Variants in RBFOX1 observed in about 807,000 individuals in gnomAD.
RBFOX1 encodes the protein RNA binding protein fox-1 homolog 1.
RBFOX1 carries 8 observed loss-of-function variants against 57.7 expected under a neutral mutation model. That is an observed-to-expected ratio of 0.14 (90% CI 0.08 to 0.25). The LOEUF is 0.25. Among genes scored for constraint, RBFOX1 ranks in the 10% least tolerant of loss-of-function variants. The probability of loss-of-function intolerance (pLI) is 1.00; values close to 1 mark genes in which losing one functional copy is unlikely to be tolerated. For missense variants in RBFOX1, 611 were observed against 548.5 expected, an observed-to-expected ratio of 1.11 and a Z score of -1.14; for synonymous variants, 326 against 222.4, an observed-to-expected ratio of 1.47 and a Z score of -4.15.
chr16:7,422,834 C>T (rs1390815461), intron 4 of RBFOX1: 1 of 152,170 alleles, frequency 6.6e-6, no homozygotes, highest in African/African-American at 2.4e-5. Context: ...TTCCCATCCC[C>T]TTTGCCTTAT....
intron 2 of RBFOX1, among the ~76,000 whole-genome samples, chr16:5,544,777 A>G (rs943372365): frequency 1.3e-5 from 2 of 152,102 alleles, no homozygotes. Context: ...TTATGCTCAT[A>G]AATTTGACAA....
intron 4 of RBFOX1, among the ~76,000 whole-genome samples, chr16:7,240,365 A>G (rs1398131572): frequency 6.6e-6 from 1 of 152,184 alleles, no homozygotes; most frequent in Non-Finnish European, 1.5e-5. Context: ...GATCTTCACT[A>G]TGTTATACTT....
chr16:7,400,890 G>T (rs940763881), intron 4 of RBFOX1, among the ~76,000 whole-genome samples: 1 of 152,198 alleles, frequency 6.6e-6, no homozygotes, highest in Non-Finnish European at 1.5e-5. Flanking sequence ...AAACAGTGCG[G>T]TTGATGATCT....
At chr16:6,946,425 T>C (rs2079534934) in intron 3 of RBFOX1, among the ~76,000 whole-genome samples, 1 of 152,198 alleles carries the variant, frequency 6.6e-6, no homozygotes, top group Non-Finnish European at 1.5e-5. Flanking sequence ...CTGAGTTCTG[T>C]GATGAAAATA....
intron 1 of RBFOX1, among the ~76,000 whole-genome samples, chr16:6,130,379 C>T (rs946364124): frequency 1.3e-4 from 19 of 151,748 alleles, no homozygotes; most frequent in Non-Finnish European, 2.6e-4. Flanking sequence ...CCTACCATGC[C>T]TAAAAATGAA....
chr16:6,830,760 G>T (rs1223956569), intron 3 of RBFOX1, among the ~76,000 whole-genome samples: 4 of 152,286 alleles, frequency 2.6e-5, no homozygotes, highest in Non-Finnish European at 4.4e-5. Flanking sequence ...GGTAATTTTA[G>T]GAGGATGACG....
At chr16:5,750,554 G>C (rs1017460114) in intron 3 of RBFOX1, among the ~76,000 whole-genome samples, 10 of 152,188 alleles carry the variant, frequency 6.6e-5, no homozygotes, top group African/African-American at 2.4e-4. Context: ...ACCTACTCAA[G>C]CCTCAGCAAT....
At chr16:7,580,084 T>C (rs1218270380) in intron 6 of RBFOX1, among the ~76,000 whole-genome samples, 164 bp downstream of exon 6, 3 of 152,228 alleles carry the variant, frequency 2.0e-5, no homozygotes, top group Non-Finnish European at 4.4e-5. Flanking sequence ...AATCTCTTTA[T>C]GGTTTTAGCA....
chr16:5,443,527 A>G (rs939569634), intron 1 of RBFOX1, among the ~76,000 whole-genome samples: 40 of 152,114 alleles, frequency 2.6e-4, no homozygotes, highest in Admixed American at 2.4e-3. Flanking sequence ...TTTAATAAAG[A>G]TGGGGTTTCC....
chr16:6,381,744 G>T (rs960828653), intron 2 of RBFOX1, among the ~76,000 whole-genome samples: 1 of 152,216 alleles, frequency 6.6e-6, no homozygotes, highest in Non-Finnish European at 1.5e-5. Context: ...TATGCCTGGG[G>T]CTACCGCATC....
At chr16:6,210,358 C>CAAAAAAA (rs1567684381) in intron 1 of RBFOX1, among the ~76,000 whole-genome samples, 1 of 96,686 alleles carries the variant, frequency 1.0e-5, no homozygotes, top group African/African-American at 3.7e-5. Context: ...AAAAAAAAAA[C>CAAAAAAA]ACCAAAAAAA....
At chr16:6,226,585 GATAGTGAT>G (rs1567720145) in intron 1 of RBFOX1, among the ~76,000 whole-genome samples, 3 of 151,970 alleles carry the variant, frequency 2.0e-5, no homozygotes, top group Non-Finnish European at 4.4e-5. Flanking sequence ...ATATATTATG[GATAGTGAT>G]ATAGTAAAGG....
intron 4 of RBFOX1, among the ~76,000 whole-genome samples, chr16:7,141,813 G>A (rs571730209): frequency 6.6e-6 from 1 of 152,150 alleles, no homozygotes; most frequent in African/African-American, 2.4e-5. Flanking sequence ...ATTGACGACC[G>A]CACCAGCCTT....
chr16:5,259,153 G>A (rs2062664893), intron 1 of RBFOX1, among the ~76,000 whole-genome samples: 1 of 151,820 alleles, frequency 6.6e-6, no homozygotes, highest in Non-Finnish European at 1.5e-5. Context: ...ATGATGCCTG[G>A]GACAGTAATG....
chr16:5,805,103 A>T (rs13329704), intron 3 of RBFOX1, among the ~76,000 whole-genome samples: 2,699 of 152,110 alleles, frequency 0.018, 80 homozygotes, highest in African/African-American at 0.062. Context: ...TTTGGGCTAA[A>T]AGCTGGGAAG....
At chr16:5,339,694 G>T (rs1320882188) in intron 1 of RBFOX1, among the ~76,000 whole-genome samples, 3 of 151,808 alleles carry the variant, frequency 2.0e-5, no homozygotes, top group Non-Finnish European at 2.9e-5. Context: ...GTCCAGGCTG[G>T]TCTCGAACTC....
At chr16:5,497,911 G>A (rs2043056484) in intron 2 of RBFOX1, among the ~76,000 whole-genome samples, 1 of 152,188 alleles carries the variant, frequency 6.6e-6, no homozygotes, top group African/African-American at 2.4e-5. Flanking sequence ...GCTTTGGAGT[G>A]GACGCATAAA....
intron 4 of RBFOX1, among the ~76,000 whole-genome samples, chr16:7,297,418 C>T (rs1017633471): frequency 1.2e-4 from 18 of 152,128 alleles, no homozygotes; most frequent in African/African-American, 4.1e-4. Context: ...AGATGAGGAT[C>T]TGGGTATTTT....
chr16:6,133,307 C>T (rs1015483530), intron 1 of RBFOX1, among the ~76,000 whole-genome samples: 4 of 152,316 alleles, frequency 2.6e-5, no homozygotes, highest in Admixed American at 2.0e-4. Flanking sequence ...CTGGCTTCCA[C>T]GTTGCTCTCT....
Sources: allele counts gnomAD v4.1 joint callset (sites outside exome capture counted in the v4.1 genomes callset), GRCh38; gene constraint gnomAD v4.1.1; transcripts MANE v1.5; gene names NCBI Gene and HGNC (gene_info 2026-07-23, HGNC 2026-07-21).